The following CTR9 variants were observed in gnomAD, a reference collection of about 807,000 sequenced individuals.
The protein encoded by CTR9 is RNA polymerase-associated protein CTR9 homolog.
CTR9 carries 41 observed loss-of-function variants against 152.1 expected under a neutral mutation model. That is an observed-to-expected ratio of 0.27 (90% CI 0.21 to 0.35). CTR9 has a LOEUF of 0.35. Among genes scored for constraint, CTR9 ranks in the 10% least tolerant of loss-of-function variants. The probability of loss-of-function intolerance (pLI) is 1.00; values close to 1 mark genes in which losing one functional copy is unlikely to be tolerated. For missense variants in CTR9, 917 were observed against 1,424.4 expected (o/e 0.64, Z 5.73); for synonymous variants, 476 against 496.2 (o/e 0.96, Z 0.54).
intron 12 of CTR9, 37 bp from the exon 13 acceptor site, chr11:10,766,365 A>T (rs1488206824): frequency 1.4e-6 from 2 of 1,444,652 alleles, no homozygotes; most frequent in South Asian, 1.2e-5. Context: ...TTTATAGCTA[A>T]TATTTGGGAT....
intron 7 of CTR9, 123 bp downstream of exon 7, chr11:10,762,177 T>C (rs1590020630): frequency 1.5e-6 from 1 of 657,122 alleles, no homozygotes; most frequent in East Asian, 2.8e-5. Flanking sequence ...CTCCAAATTA[T>C]AGAGTTTGTT....
chr11:10,773,054 G>A, intron 20 of CTR9, 73 bp from the exon 21 acceptor site: 2 of 1,525,532 alleles, frequency 1.3e-6, no homozygotes, highest in South Asian at 1.2e-5. Context: ...CCTCTGCTTA[G>A]GATGGTAGCC....
In CTR9 at chr11:10,751,355, G is replaced by C. The variant is rs1355368499; in HGVS notation, c.-58G>C. The C allele has an allele frequency of 4.0e-5, 64 of 1,580,690 alleles. No homozygotes were observed. Among genetic ancestry groups the C allele is most frequent in the Non-Finnish European group, 5.4e-5 (62 of 1,151,716 alleles). On this transcript the variant is annotated 5_prime_UTR_variant, in exon 1 of 25. Coordinates refer to ENST00000361367, the MANE Select transcript of CTR9 (RefSeq NM_014633.5). ...ACTCACCTCTGGATTAGCCTGAAGC[G>C]GAGACTACCGGCTGCGGAGCGGCGG...
In CTR9 at chr11:10,775,302, C is replaced by T. The variant is rs1265088430; in HGVS notation, c.2981C>T (p.Ala994Val). The T allele has an allele frequency of 6.2e-7, 1 of 1,613,220 alleles. No homozygotes were observed. Among genetic ancestry groups the T allele is most frequent in the African/African-American group, 1.3e-5 (1 of 74,884 alleles). The change falls in exon 23 of 25, where the codon GCT becomes GTT. Residue 994 changes from alanine (A) to valine (V), a missense_variant and splice_region_variant. Physicochemically the swap from Ala to Val is moderately conservative, Grantham distance 64. This residue lies in a region of CTR9 where 384 missense variants were observed against 398.4 expected (regional missense o/e 0.96). Coordinates refer to ENST00000361367, the MANE Select transcript of CTR9 (RefSeq NM_014633.5). ...RRPPKAEKKK[A>V]PKPERLPPSM... ...CCACCAAAAGCAGAGAAGAAAAAGG[C>T]TGTAAGTTTATAGTACTGTGTTTTT...
intron 7 of CTR9, among the ~76,000 whole-genome samples, 200 bp from the exon 8 acceptor site, chr11:10,763,231 C>T (rs900172160): frequency 6.8e-6 from 1 of 146,802 alleles, no homozygotes; most frequent in Non-Finnish European, 1.5e-5. Context: ...CAGTGCTTTA[C>T]TCTTTCTGGC....
Position 10,763,337 on chromosome 11 carries a change from A to T in CTR9, c.850-94A>T. ...CTATTTATGAAGAAGATGGAAATGT[A>T]TCTTACAGGTAAACGAAGTGTTAGT... On this transcript the variant is annotated intron_variant, in intron 7 of 24. Coordinates refer to ENST00000361367, the MANE Select transcript of CTR9 (RefSeq NM_014633.5). The T allele has an allele frequency of 6.2e-6, 5 of 809,164 alleles. No individual in the cohort carries two copies. In the South Asian group the frequency reaches 7.4e-5, roughly 12 times the overall value. The allele number at this position is 809,164 out of a possible 1,614,324, so 50.1% of individuals were successfully genotyped here.
chr11:10,766,362 C>A, intron 12 of CTR9, 40 bp from the exon 13 acceptor site: 1 of 1,419,244 alleles, frequency 7.0e-7, no homozygotes, highest in Non-Finnish European at 9.8e-7. Context: ...TCCTTTATAG[C>A]TAATATTTGG....
At position 10,755,152 on chromosome 11, in the gene CTR9, C is replaced by T; in HGVS notation, c.339C>T (p.Ala113=). The T allele has an allele frequency of 6.2e-7, 1 of 1,613,630 alleles. No individual in the cohort carries two copies. Among genetic ancestry groups the T allele is most frequent in the Non-Finnish European group, 8.5e-7 (1 of 1,179,682 alleles). Residue 113 remains alanine (A), a synonymous_variant, in exon 3 of 25, where the codon GCC becomes GCT. Coordinates refer to ENST00000361367, the MANE Select transcript of CTR9 (RefSeq NM_014633.5). The part of the protein sequence containing the change: ...KDNKKDLITQ[A]TLLYTMADKI... ...ATAAAAAGGATCTTATTACACAGGC[C>T]ACCTTGTTGTATACAATGGCCGATA...
At chr11:10,768,737 A>G (rs1035323243) in intron 16 of CTR9, among the ~76,000 whole-genome samples, 2 of 152,326 alleles carry the variant, frequency 1.3e-5, no homozygotes, top group South Asian at 2.1e-4. Flanking sequence ...TTTCCTATCT[A>G]TAAAATGGAG....
chr11:10,772,466 AG>A lies in CTR9; in HGVS notation c.2445-53del, dbSNP rs1402895361. 1.7e-5 allele frequency: 22 copies of A among 1,328,536 alleles called. No homozygotes were observed. In the South Asian group the frequency reaches 4.5e-4, roughly 27 times the overall value. The allele number at this position is 1,328,536 out of a possible 1,614,324, so 82.3% of individuals were successfully genotyped here. ...TTGTATAAGGAAAATAGATGTGCTG[AG>A]TTTTTTAATATAGTAGTTACATTCA... On this transcript the variant is annotated intron_variant, in intron 19 of 24. Coordinates refer to ENST00000361367, the MANE Select transcript of CTR9 (RefSeq NM_014633.5).
intron 21 of CTR9, among the ~76,000 whole-genome samples, chr11:10,773,603 T>C (rs1475096037): frequency 1.3e-5 from 2 of 152,060 alleles, no homozygotes; most frequent in Non-Finnish European, 2.9e-5. Flanking sequence ...GATCCTTCAT[T>C]TGGGCCGGGC....
intron 2 of CTR9, among the ~76,000 whole-genome samples, chr11:10,753,102 T>C (rs1862831147): frequency 6.6e-6 from 1 of 152,234 alleles, no homozygotes; most frequent in African/African-American, 2.4e-5. Context: ...TGTGTGAACA[T>C]TGCTGCTTAA....
rs368868162 is a variant in CTR9 at position 10,763,502 on chromosome 11, G to A, written c.921G>A (p.Glu307=). The change falls in exon 8 of 25, where the codon GAG becomes GAA. Residue 307 remains glutamate (E), a synonymous_variant. Coordinates refer to ENST00000361367, the MANE Select transcript of CTR9 (RefSeq NM_014633.5). ...CAGAAGTGGAAGCTATGCAAGCAGAGAGCTGCTATCAGCTAGCTAGATCAT... is the reference window on the plus strand; with the variant it reads ...CAGAAGTGGAAGCTATGCAAGCAGAAAGCTGCTATCAGCTAGCTAGATCAT... ...HNTEVEAMQA[E]SCYQLARSFH... The A allele has an allele frequency of 6.8e-6, 11 of 1,611,504 alleles. No individual in the cohort carries two copies. In the African/African-American group the frequency reaches 1.1e-4, roughly 16 times the overall value.
At chr11:10,764,262 GTC>G in intron 10 of CTR9, 44 bp from the exon 11 acceptor site, 1 of 1,613,568 alleles carries the variant, frequency 6.2e-7, no homozygotes, top group Non-Finnish European at 8.5e-7. Context: ...CTGGTGTAGT[GTC>G]TCTCTTCCAC....
chr11:10,764,035 G>T (rs2135368778), intron 9 of CTR9, 77 bp from the exon 10 acceptor site: 1 of 1,452,716 alleles, frequency 6.9e-7, no homozygotes, highest in East Asian at 2.3e-5. Context: ...TTATTAAACA[G>T]ACTTACATAG....
chr11:10,764,490 C>T lies in CTR9; in HGVS notation c.1413+54C>T, dbSNP rs1159119829. 3.4e-6 allele frequency: 5 copies of T among 1,465,248 alleles called. No homozygotes were observed. The African/African-American group carries it at 5.6e-5, about 16-fold the overall frequency. 90.8% of individuals were successfully genotyped at this position (1,465,248 alleles called of 1,614,324 possible). On this transcript the variant is annotated intron_variant, in intron 11 of 24. Coordinates refer to ENST00000361367, the MANE Select transcript of CTR9 (RefSeq NM_014633.5). ...TATACTGAATCAAGTTGCATGCACA[C>T]CTTTTTAAAAAGTGTATAAACTAAA...
rs1047731276 is a variant in CTR9 at position 10,767,587 on chromosome 11, TTA to T, written c.1687-218_1687-217del. On this transcript the variant is annotated intron_variant, in intron 13 of 24. Transcript: ENST00000361367. This position sits in a 1 kb window ranked among gnomAD's most constrained non-coding sequence, Gnocchi z 4.0. Reference sequence around the variant, plus strand: ...GGTGGCCAAATGTAAACTGAAAGCATTAATTAAAGTGGTGCAATTTTGTATAA... The same window carrying T: ...GGTGGCCAAATGTAAACTGAAAGCATATTAAAGTGGTGCAATTTTGTATAA... The T allele has an allele frequency of 8.0e-6, 4 of 500,168 alleles. No individual in the cohort carries two copies. Among genetic ancestry groups the T allele is most frequent in the African/African-American group, 5.8e-5 (3 of 51,844 alleles). 31.0% of individuals were successfully genotyped at this position (500,168 alleles called of 1,614,324 possible). A position where few individuals can be genotyped will look rare whatever the true frequency, so the allele number is the denominator to read the frequency against.
chr11:10,766,273 C>T (rs958275186), intron 12 of CTR9, 129 bp from the exon 13 acceptor site: 5 of 679,312 alleles, frequency 7.4e-6, no homozygotes, highest in Non-Finnish European at 1.0e-5. Flanking sequence ...TATTTTTTCA[C>T]CTTTGGGACT....
chr11:10,768,764 T>G (rs2135376217), intron 16 of CTR9, among the ~76,000 whole-genome samples: 1 of 152,370 alleles, frequency 6.6e-6, no homozygotes, highest in South Asian at 2.1e-4. Context: ...GTACCTTAAC[T>G]TCATAGAATT....
Sources: gnomAD v4.1 joint callset for allele counts (sites outside exome capture counted in the v4.1 genomes callset) on GRCh38, gnomAD v4.1.1 for gene constraint, gnomAD v4.1.1 regional missense constraint, Gnocchi (gnomAD v3.1) non-coding constraint, MANE v1.5 for transcripts, NCBI Gene and HGNC (gene_info 2026-07-23, HGNC 2026-07-21) for gene names.